Variants in TRPC4AP observed in about 807,000 individuals in gnomAD.
TRPC4AP encodes the protein transient receptor potential cation channel subfamily C member 4 associated protein.
TRPC4AP carries 45 observed loss-of-function variants against 99.0 expected under a neutral mutation model. That is an observed-to-expected ratio of 0.45 (90% CI 0.36 to 0.58). TRPC4AP has a LOEUF of 0.58. TRPC4AP is among the 20% of genes least tolerant of loss of function. TRPC4AP has a pLI of 0.00. For missense variants in TRPC4AP, 879 were observed against 985.3 expected (o/e 0.89, Z 1.44); for synonymous variants, 408 against 385.8 (o/e 1.06, Z -0.67).
chr20:35,089,385 C>T (rs2084975918), intron 1 of TRPC4AP, among the ~76,000 whole-genome samples: 1 of 137,928 alleles, frequency 7.3e-6, no homozygotes, highest in Admixed American at 8.0e-5. Flanking sequence ...CATTTCCACA[C>T]CTGGTTAATG....
intron 9 of TRPC4AP, among the ~76,000 whole-genome samples, chr20:35,019,582 AAAC>A: frequency 6.6e-6 from 1 of 152,296 alleles, no homozygotes; most frequent in South Asian, 2.1e-4. Context: ...CTGAAAATTC[AAAC>A]AACTGTGAAA....
intron 4 of TRPC4AP, among the ~76,000 whole-genome samples, chr20:35,056,601 T>TG (rs1466057841): frequency 1.3e-5 from 2 of 152,114 alleles, no homozygotes; most frequent in African/African-American, 4.8e-5. Context: ...AACGCAAAGT[T>TG]GGTAGGAGGG....
At chr20:35,048,510 T>G (rs1356323863) in intron 6 of TRPC4AP, among the ~76,000 whole-genome samples, 1 of 152,234 alleles carries the variant, frequency 6.6e-6, no homozygotes, top group African/African-American at 2.4e-5. Flanking sequence ...TGAGCCACCG[T>G]GCCTGGCCTG....
intron 6 of TRPC4AP, among the ~76,000 whole-genome samples, chr20:35,049,036 C>A (rs2083629728): frequency 6.6e-6 from 1 of 152,152 alleles, no homozygotes; most frequent in Admixed American, 6.5e-5. Flanking sequence ...CAACAGCAAC[C>A]TCTAGGAGGC....
At chr20:35,067,028 AAG>A (rs2084162960) in intron 3 of TRPC4AP, among the ~76,000 whole-genome samples, 1 of 152,258 alleles carries the variant, frequency 6.6e-6, no homozygotes, top group South Asian at 2.1e-4. Flanking sequence ...CAATATTCAA[AAG>A]AGATATATCT....
chr20:35,060,585 C>CAAAAAAAAA (rs35143678), intron 3 of TRPC4AP, among the ~76,000 whole-genome samples: 4 of 70,386 alleles, frequency 5.7e-5, no homozygotes, highest in Non-Finnish European at 7.6e-5. Flanking sequence ...ACCTTGTCTC[C>CAAAAAAAAA]AAAAAAAAAA....
chr20:35,026,976 T>C lies in TRPC4AP; in HGVS notation c.1052-5620A>G, dbSNP rs544482110. On this transcript the variant is annotated intron_variant, in intron 8 of 18. Coordinates refer to ENST00000252015, the MANE Select transcript of TRPC4AP (RefSeq NM_015638.3). ...TAGATTCCTTAGATTTTTCTACATA[T>C]AAGATCATCCCATCTGTGAACAGTT... 9.2e-5 allele frequency among the ~76,000 whole-genome samples: 14 copies of C among 152,334 alleles called. No individual in the cohort carries two copies. In the South Asian group the frequency reaches 2.9e-3, roughly 32 times the overall value.
intron 2 of TRPC4AP, among the ~76,000 whole-genome samples, chr20:35,072,925 T>C (rs182830291): frequency 6.6e-6 from 1 of 152,238 alleles, no homozygotes; most frequent in Non-Finnish European, 1.5e-5. Flanking sequence ...GCATGGGATG[T>C]TCTTCCATTT....
intron 2 of TRPC4AP, among the ~76,000 whole-genome samples, chr20:35,077,745 C>A (rs1395666585): frequency 2.6e-5 from 4 of 152,142 alleles, no homozygotes; most frequent in Non-Finnish European, 5.9e-5. Flanking sequence ...AAAAGAATGT[C>A]ATCCCAATCA....
chr20:35,092,609 C>G lies in TRPC4AP; in HGVS notation c.168+5G>C. Reference sequence around the variant, plus strand: ...CGCCCCGCCCCTCCTGGTCCAGCCTCGTACCTGCACCGCCCGGACCAGGCC... The same window carrying G: ...CGCCCCGCCCCTCCTGGTCCAGCCTGGTACCTGCACCGCCCGGACCAGGCC... On this transcript the variant is annotated splice_donor_5th_base_variant and intron_variant, in intron 1 of 18. Coordinates refer to ENST00000252015, the MANE Select transcript of TRPC4AP (RefSeq NM_015638.3). 2.0e-6 allele frequency: 3 copies of G among 1,501,124 alleles called. No homozygotes were observed. The highest frequency in any genetic ancestry group is 1.8e-6 in the Non-Finnish European group (2 of 1,133,184). The allele number at this position is 1,501,124 out of a possible 1,614,324, so 93.0% of individuals were successfully genotyped here. A position where few individuals can be genotyped will look rare whatever the true frequency, so the allele number is the denominator to read the frequency against.
chr20:35,086,453 GTGTGTGTGTGTGTGTGTGTGTGTA>G lies in TRPC4AP; in HGVS notation c.168+6137_168+6160del, dbSNP rs1208617253. Among the ~76,000 whole-genome samples, 53 of 103,918 alleles carry G rather than the reference GTGTGTGTGTGTGTGTGTGTGTGTA, an allele frequency of 5.1e-4. 1 individual carries two copies. The highest frequency in any genetic ancestry group is 5.4e-4 in the Non-Finnish European group (26 of 47,852). 68.2% of individuals were successfully genotyped at this position (103,918 alleles called of 152,430 possible). A position where few individuals can be genotyped will look rare whatever the true frequency, so the allele number is the denominator to read the frequency against. On this transcript the variant is annotated intron_variant, in intron 1 of 18. Transcript: ENST00000252015. ...CATATGTGTGTGTGTGTGTGTGTGT[GTGTGTGTGTGTGTGTGTGTGTGTA>G]TGTGTGTGTATATATATATGTGTAT...
chr20:35,080,479 C>T (rs1201601612), intron 1 of TRPC4AP, among the ~76,000 whole-genome samples: 1 of 137,958 alleles, frequency 7.2e-6, no homozygotes, highest in Non-Finnish European at 1.5e-5. Context: ...TCAGCCTGGG[C>T]GATAAAGCCA....
At chr20:35,060,630 C>A (rs6060193) in intron 3 of TRPC4AP, among the ~76,000 whole-genome samples, 4 of 145,034 alleles carry the variant, frequency 2.8e-5, no homozygotes, top group Admixed American at 7.2e-5. Context: ...GATTATACAC[C>A]ATGACACTAT....
chr20:35,062,708 G>C (rs1313164611), intron 3 of TRPC4AP, among the ~76,000 whole-genome samples: 1 of 152,148 alleles, frequency 6.6e-6, no homozygotes, highest in African/African-American at 2.4e-5. Flanking sequence ...ATGGGGAGTG[G>C]CTACTGAAGA....
At chr20:35,024,130 C>T (rs967691867) in intron 8 of TRPC4AP, among the ~76,000 whole-genome samples, 14 of 146,342 alleles carry the variant, frequency 9.6e-5, no homozygotes, top group Non-Finnish European at 1.5e-5. Flanking sequence ...TGCACACTCA[C>T]TTTTTTTTTT....
At chr20:35,086,549 G>GTATATGTA (rs1569158129) in intron 1 of TRPC4AP, among the ~76,000 whole-genome samples, 5 of 106,766 alleles carry the variant, frequency 4.7e-5, no homozygotes, top group South Asian at 3.1e-4. Context: ...GTGTGTGTGT[G>GTATATGTA]TGTGTGTGTG....
At chr20:35,006,180 C>T (rs1324418332) in intron 15 of TRPC4AP, among the ~76,000 whole-genome samples, 3 of 152,178 alleles carry the variant, frequency 2.0e-5, no homozygotes, top group East Asian at 1.9e-4. Context: ...CACCATGCTG[C>T]GTCACGGCAG....
intron 1 of TRPC4AP, among the ~76,000 whole-genome samples, chr20:35,087,173 CAAAAAAAAAA>C (rs778236066): frequency 2.4e-4 from 28 of 118,726 alleles, no homozygotes; most frequent in Non-Finnish European, 4.7e-4. Context: ...ACTAAAAATA[CAAAAAAAAAA>C]AAAAAATTAG....
At chr20:35,088,835 C>G (rs1241851728) in intron 1 of TRPC4AP, among the ~76,000 whole-genome samples, 1 of 151,796 alleles carries the variant, frequency 6.6e-6, no homozygotes, top group Non-Finnish European at 1.5e-5. Flanking sequence ...AAGCCAGTCA[C>G]AAAAAGACAA....
Sources: allele counts gnomAD v4.1 joint callset (sites outside exome capture counted in the v4.1 genomes callset), GRCh38; gene constraint gnomAD v4.1.1; transcripts MANE v1.5; gene names NCBI Gene and HGNC (gene_info 2026-07-23, HGNC 2026-07-21).